Variants in DNAH7 observed in about 807,000 individuals in gnomAD.
DNAH7 encodes dynein axonemal heavy chain 7.
Under a neutral mutation model 444.6 loss-of-function variants are expected in DNAH7, and 397 were observed. The observed-to-expected ratio is 0.89, with a 90% CI of 0.82 to 0.97. The LOEUF is 0.97. Among genes scored for constraint, DNAH7 ranks in the 50% least tolerant of loss-of-function variants. The pLI is 0.00. For missense variants in DNAH7, 4,902 were observed against 4,800.8 expected (o/e 1.02, Z -0.62); for synonymous variants, 1,636 against 1,624.4 (o/e 1.01, Z -0.17).
intron 41 of DNAH7, 96 bp downstream of exon 41, chr2:195,864,052 TG>T: frequency 8.6e-7 from 1 of 1,160,810 alleles, no homozygotes. Flanking sequence ...AACAATATTT[TG>T]GGGTAAACTA....
chr2:196,000,805 C>G lies in DNAH7; in HGVS notation c.1252G>C (p.Glu418Gln), dbSNP rs375573053. Residue 418 changes from glutamate (E) to glutamine (Q), a missense_variant, in exon 12 of 65, where the codon GAG becomes CAG. Transcript: ENST00000312428. ...LDNDTIKFEP[E>Q]LSDYIDIFLN... is the part of the protein sequence containing the mutation. ...AAGATATCTATATAGTCACTCAACTCAGGTTCAAACTTAATGGTGTCATTA... is the reference window on the plus strand; with the variant it reads ...AAGATATCTATATAGTCACTCAACTGAGGTTCAAACTTAATGGTGTCATTA... The G allele has an allele frequency of 3.1e-6, 5 of 1,609,802 alleles. No homozygotes were observed. In the African/African-American group the frequency reaches 4.0e-5, roughly 13 times the overall value.
intron 51 of DNAH7, among the ~76,000 whole-genome samples, chr2:195,816,110 C>T (rs543796581): frequency 1.3e-5 from 2 of 152,178 alleles, no homozygotes; most frequent in South Asian, 4.2e-4. Flanking sequence ...GTCTTAATTC[C>T]ATTACTTATT....
intron 2 of DNAH7, 86 bp from the exon 3 acceptor site, chr2:196,051,335 A>G: frequency 1.0e-6 from 1 of 1,003,914 alleles, no homozygotes; most frequent in South Asian, 1.3e-5. Context: ...CAGAAAGACT[A>G]TTTAAAAAGT....
In DNAH7 at chr2:195,858,817, A is replaced by T. The variant is rs780001938; in HGVS notation, c.7737-13T>A. 6 of 1,585,106 alleles carry T rather than the reference A, an allele frequency of 3.8e-6. No homozygotes were observed. Among genetic ancestry groups the T allele is most frequent in the Admixed American group, 1.8e-5 (1 of 55,460 alleles). On this transcript the variant is annotated splice_polypyrimidine_tract_variant and intron_variant, in intron 42 of 64. Transcript: ENST00000312428. ...TTTCATTACTTCACTGGAAGGAAAT[A>T]GATAAAACAAAGTTAATCATGAGGC...
intron 61 of DNAH7, among the ~76,000 whole-genome samples, chr2:195,759,572 G>T (rs1415548015): frequency 6.6e-6 from 1 of 152,076 alleles, no homozygotes; most frequent in Non-Finnish European, 1.5e-5. Context: ...TGCTACAGTG[G>T]GGTATGCACC....
chr2:195,820,152 G>A (rs1697390341), intron 49 of DNAH7, among the ~76,000 whole-genome samples: 1 of 152,144 alleles, frequency 6.6e-6, no homozygotes, highest in Non-Finnish European at 1.5e-5. Context: ...AATTCAATGT[G>A]TGCAGTCGGC....
At chr2:195,918,713 A>G (rs1015208162) in intron 24 of DNAH7, among the ~76,000 whole-genome samples, 1 of 152,172 alleles carries the variant, frequency 6.6e-6, no homozygotes, top group African/African-American at 2.4e-5. Flanking sequence ...TACATGACAA[A>G]AATGGTCAGT....
At position 195,758,669 on chromosome 2, in the gene DNAH7, C is replaced by A. The variant is rs556820656; in HGVS notation, c.11434-2384G>T. 3.9e-5 allele frequency among the ~76,000 whole-genome samples: 6 copies of A among 152,316 alleles called. No homozygotes were observed. The South Asian group carries it at 1.2e-3, about 32-fold the overall frequency. On this transcript the variant is annotated intron_variant, in intron 61 of 64. Transcript: ENST00000312428. ...GGGCAGGAAAGACAGTCTTGAATTG[C>A]TGATGCCAACCCTCCTCCATCACCC...
chr2:195,933,489 G>C (rs992721105), intron 21 of DNAH7, among the ~76,000 whole-genome samples: 2 of 152,112 alleles, frequency 1.3e-5, no homozygotes, highest in African/African-American at 4.8e-5. Flanking sequence ...GCAAAGACTT[G>C]GAGCCAACCC....
intron 54 of DNAH7, among the ~76,000 whole-genome samples, chr2:195,801,802 A>G (rs948822290): frequency 2.0e-5 from 3 of 152,212 alleles, no homozygotes; most frequent in African/African-American, 7.2e-5. Context: ...TGTCAGTCCT[A>G]GTGCATGTGT....
chr2:195,974,350 C>G (rs948056195), intron 15 of DNAH7, among the ~76,000 whole-genome samples: 2 of 152,006 alleles, frequency 1.3e-5, no homozygotes, highest in Non-Finnish European at 2.9e-5. Context: ...TTTTATTTCC[C>G]CTTACTGATA....
At chr2:195,780,893 T>G (rs1695341493) in intron 58 of DNAH7, among the ~76,000 whole-genome samples, 1 of 152,104 alleles carries the variant, frequency 6.6e-6, no homozygotes, top group Admixed American at 6.6e-5. Context: ...AGATCTGACA[T>G]TCTAGTGATC....
chr2:195,817,245 G>A (rs1391864803), intron 50 of DNAH7, among the ~76,000 whole-genome samples: 1 of 152,128 alleles, frequency 6.6e-6, no homozygotes, highest in Non-Finnish European at 1.5e-5. Context: ...TCAGCTCAGA[G>A]TGAATAGAAA....
At chr2:195,913,536 G>T (rs1268356611) in intron 24 of DNAH7, among the ~76,000 whole-genome samples, 1 of 152,156 alleles carries the variant, frequency 6.6e-6, no homozygotes, top group African/African-American at 2.4e-5. Context: ...AAAATAAGAT[G>T]ATTTAAAGAA....
intron 10 of DNAH7, among the ~76,000 whole-genome samples, chr2:196,003,771 T>C (rs1165418527): frequency 6.6e-6 from 1 of 152,222 alleles, no homozygotes; most frequent in Non-Finnish European, 1.5e-5. Context: ...CCTTATTCCA[T>C]TTTAATCTCC....
chr2:196,068,374 A>G (rs1033151145), intron 1 of DNAH7: 2 of 399,646 alleles, frequency 5.0e-6, no homozygotes, highest in East Asian at 7.8e-5. Context: ...ACCCGCTGCA[A>G]CTCCTCGCAG....
intron 21 of DNAH7, among the ~76,000 whole-genome samples, chr2:195,929,269 A>T (rs1366133060): frequency 2.6e-5 from 4 of 152,152 alleles, no homozygotes; most frequent in Non-Finnish European, 5.9e-5. Flanking sequence ...TGGATTAGAA[A>T]AATCAGTATC....
intron 27 of DNAH7, 176 bp from the exon 28 acceptor site, chr2:195,900,670 G>T (rs1010438215): frequency 1.8e-6 from 1 of 568,980 alleles, no homozygotes; most frequent in Non-Finnish European, 3.0e-6. Flanking sequence ...GGGCAATGGG[G>T]AGAGGCTGGT....
intron 48 of DNAH7, among the ~76,000 whole-genome samples, chr2:195,827,660 T>C (rs577906065): frequency 6.6e-6 from 1 of 152,128 alleles, no homozygotes; most frequent in East Asian, 1.9e-4. Context: ...CAGTTCACTC[T>C]AGCCTCAACC....
Sources: allele counts gnomAD v4.1 joint callset (sites outside exome capture counted in the v4.1 genomes callset), GRCh38; gene constraint gnomAD v4.1.1; transcripts MANE v1.5; gene names NCBI Gene and HGNC (gene_info 2026-07-23, HGNC 2026-07-21).